The following DOT1L variants were observed in gnomAD, a reference collection of about 807,000 sequenced individuals.
The protein encoded by DOT1L is histone-lysine N-methyltransferase, H3 lysine-79 specific.
Under a neutral mutation model 153.3 loss-of-function variants are expected in DOT1L, and 33 were observed. The ratio of observed to expected loss-of-function variants is 0.22; its 90% CI spans 0.16 to 0.29. The LOEUF (loss-of-function observed/expected upper bound fraction) is 0.29. Ranked by LOEUF, DOT1L falls within the 10% of genes least tolerant of loss-of-function variation. The pLI, the probability that DOT1L is intolerant of heterozygous loss-of-function variation, is 1.00. For missense variants in DOT1L, 1,847 were observed against 2,119.9 expected (o/e 0.87, Z 2.53); for synonymous variants, 1,135 against 965.1 (o/e 1.18, Z -3.26).
In DOT1L at chr19:2,217,142, G is replaced by C. The variant is rs1275659021; in HGVS notation, c.2544+52G>C. The C allele has an allele frequency of 2.6e-6, 4 of 1,513,422 alleles. No individual in the cohort carries two copies. Among genetic ancestry groups the C allele is most frequent in the African/African-American group, 1.4e-5 (1 of 72,278 alleles). The allele number at this position is 1,513,422 out of a possible 1,614,324, so 93.7% of individuals were successfully genotyped here. ...CTCAGGGAGGTGCTCAGCAGAGGCG[G>C]CCTGAGCGAGTTGCTAGCAGGAGGG... On this transcript the variant is annotated intron_variant, in intron 21 of 27. Transcript: ENST00000398665. This position sits in a 1 kb window ranked among gnomAD's most constrained non-coding sequence, Gnocchi z 7.3.
chr19:2,204,529 C>G lies in DOT1L; in HGVS notation c.787+1750C>G, dbSNP rs540290590. Among the ~76,000 whole-genome samples, 9 of 152,306 alleles carry G rather than the reference C, an allele frequency of 5.9e-5. No individual in the cohort carries two copies. The highest frequency in any genetic ancestry group is 3.4e-3 in the Middle Eastern group (1 of 294). ...TGGCTTCAGGCAGCTCCTGTCACCCCCTCCATGGTCCTCGTACCCGCTGCC... is the reference window on the plus strand; with the variant it reads ...TGGCTTCAGGCAGCTCCTGTCACCCGCTCCATGGTCCTCGTACCCGCTGCC... On this transcript the variant is annotated intron_variant, in intron 9 of 27. Transcript: ENST00000398665. The surrounding 1 kb of genome is among the most constrained non-coding windows in gnomAD (Gnocchi z 5.7).
intron 25 of DOT1L, among the ~76,000 whole-genome samples, chr19:2,224,430 C>A (rs146037056): frequency 6.7e-6 from 1 of 150,274 alleles, no homozygotes; most frequent in South Asian, 2.1e-4. Context: ...TCCGAGTCGT[C>A]GTGAAGTGAT....
chr19:2,223,165 C>CA, intron 24 of DOT1L, 116 bp from the exon 25 acceptor site: 1 of 1,119,644 alleles, frequency 8.9e-7, no homozygotes, highest in East Asian at 2.4e-5. Context: ...GGCAGGGCAT[C>CA]AGTTTCCTCA....
In DOT1L at chr19:2,231,541, T is replaced by G. The variant is rs2024597790; in HGVS notation, c.*1749T>G. The G allele has an allele frequency of 4.9e-6, 1 of 202,334 alleles. No homozygotes were observed. Among genetic ancestry groups the G allele is most frequent in the African/African-American group, 2.3e-5 (1 of 43,424 alleles). 12.5% of individuals were successfully genotyped at this position (202,334 alleles called of 1,614,324 possible). A position where few individuals can be genotyped will look rare whatever the true frequency, so the allele number is the denominator to read the frequency against. Reference sequence around the variant, plus strand: ...CCCCCACCCTCCAACATAGCTGAGTTCTGAAGATGGTGCTCCGGACCTGTC... The same window carrying G: ...CCCCCACCCTCCAACATAGCTGAGTGCTGAAGATGGTGCTCCGGACCTGTC... On this transcript the variant is annotated 3_prime_UTR_variant, in exon 28 of 28. Coordinates refer to ENST00000398665, the MANE Select transcript of DOT1L (RefSeq NM_032482.3).
chr19:2,216,905 C>T (rs1568362482), intron 20 of DOT1L, 50 bp from the exon 21 acceptor site: 1 of 1,579,724 alleles, frequency 6.3e-7, no homozygotes, highest in Admixed American at 1.7e-5. Flanking sequence ...GCCGCTGCCT[C>T]TGAGTGCCAG....
intron 1 of DOT1L, among the ~76,000 whole-genome samples, chr19:2,175,288 A>G (rs923817571): frequency 6.6e-6 from 1 of 151,886 alleles, no homozygotes; most frequent in African/African-American, 2.4e-5. Flanking sequence ...GGCGTGAGCC[A>G]TGGCGCCTGG....
intron 1 of DOT1L, among the ~76,000 whole-genome samples, chr19:2,175,566 C>T (rs781337468): frequency 2.0e-5 from 3 of 152,214 alleles, no homozygotes; most frequent in Non-Finnish European, 4.4e-5. Flanking sequence ...CAGTGGCTCA[C>T]GCCTATAATC....
intron 7 of DOT1L, among the ~76,000 whole-genome samples, chr19:2,199,105 G>T (rs979838148): frequency 6.6e-6 from 1 of 152,184 alleles, no homozygotes; most frequent in Non-Finnish European, 1.5e-5. Context: ...TTTGAAAGGC[G>T]GTGTCTTGAT....
chr19:2,186,717 T>C (rs989706184), intron 3 of DOT1L, among the ~76,000 whole-genome samples: 3 of 152,346 alleles, frequency 2.0e-5, no homozygotes, highest in Admixed American at 1.3e-4. Context: ...GCCCTGCCCA[T>C]TCCCTGGTCA....
At chr19:2,196,799 T>C (rs2144766235) in intron 7 of DOT1L, among the ~76,000 whole-genome samples, 1 of 152,338 alleles carries the variant, frequency 6.6e-6, no homozygotes, top group Non-Finnish European at 1.5e-5. Context: ...TACCCTTCCC[T>C]GCCCTGGTCT....
At position 2,226,591 on chromosome 19, in the gene DOT1L, G is replaced by A. The variant is rs764266998; in HGVS notation, c.4070G>A (p.Arg1357His). ...LSSPLSFPSQRGKEGSDANPF... is the reference protein window; with the variant it reads ...LSSPLSFPSQHGKEGSDANPF... ...TCCCCGCTGAGCTTCCCCTCGCAGC[G>A]CGGCAAGGAGGGCTCGGACGCCAAC... The change falls in exon 27 of 28, where the codon CGC becomes CAC. Residue 1357 changes from arginine (R) to histidine (H), a missense_variant. This residue lies in a region of DOT1L where 934 missense variants were observed against 825.3 expected (regional missense o/e 1.13). Transcript: ENST00000398665. 57 of 1,599,000 alleles carry A rather than the reference G, an allele frequency of 3.6e-5. No individual in the cohort carries two copies. Among genetic ancestry groups the A allele is most frequent in the Non-Finnish European group, 4.5e-5 (53 of 1,177,192 alleles).
intron 12 of DOT1L, among the ~76,000 whole-genome samples, chr19:2,210,058 C>T (rs2023652998): frequency 6.6e-6 from 1 of 152,184 alleles, no homozygotes; most frequent in South Asian, 2.1e-4. Context: ...TGGGCTGTGG[C>T]TTCTAGGTCC....
In DOT1L at chr19:2,232,436, CGT is replaced by C. The variant is rs1568382524; in HGVS notation, c.*2647_*2648del. On this transcript the variant is annotated 3_prime_UTR_variant, in exon 28 of 28. Coordinates refer to ENST00000398665, the MANE Select transcript of DOT1L (RefSeq NM_032482.3). ...GCCTTTGTAACGTGGGAGGCTCTGCCGTGTCTTCCGGGTGAACTGTATTTGGA... is the reference window on the plus strand; with the variant it reads ...GCCTTTGTAACGTGGGAGGCTCTGCCGTCTTCCGGGTGAACTGTATTTGGA... 1 of 221,656 alleles carries C rather than the reference CGT, an allele frequency of 4.5e-6. No individual in the cohort carries two copies. The highest frequency in any genetic ancestry group is 9.0e-6 in the Non-Finnish European group (1 of 110,862). The allele number at this position is 221,656 out of a possible 1,614,324, so 13.7% of individuals were successfully genotyped here. A position where few individuals can be genotyped will look rare whatever the true frequency, so the allele number is the denominator to read the frequency against.
Position 2,230,929 on chromosome 19 carries a change from C to T in DOT1L, c.*1137C>T. ...CCCTTGGAGCCTGTGCTGGTTCTCCCAGCTGCTGTGGGTGTGCTGGGGCCA... is the reference window on the plus strand; with the variant it reads ...CCCTTGGAGCCTGTGCTGGTTCTCCTAGCTGCTGTGGGTGTGCTGGGGCCA... On this transcript the variant is annotated 3_prime_UTR_variant, in exon 28 of 28. Coordinates refer to ENST00000398665, the MANE Select transcript of DOT1L (RefSeq NM_032482.3). 1 of 276,702 alleles carries T rather than the reference C, an allele frequency of 3.6e-6. No individual in the cohort carries two copies. The allele number at this position is 276,702 out of a possible 1,614,324, so 17.1% of individuals were successfully genotyped here. A position where few individuals can be genotyped will look rare whatever the true frequency, so the allele number is the denominator to read the frequency against.
intron 27 of DOT1L, chr19:2,228,642 T>TG (rs2024471809): frequency 1.0e-6 from 1 of 985,336 alleles, no homozygotes; most frequent in East Asian, 1.1e-4. Flanking sequence ...AGGCCAGCCC[T>TG]GGGGGCAGCT....
At chr19:2,202,385 T>C (rs984920730) in intron 8 of DOT1L, among the ~76,000 whole-genome samples, 14 of 152,368 alleles carry the variant, frequency 9.2e-5, no homozygotes, top group Non-Finnish European at 2.1e-4. Flanking sequence ...CTGTGGGTAC[T>C]TCACGGCTGC....
chr19:2,212,919 C>T (rs2023764959), intron 16 of DOT1L: 1 of 152,298 alleles, frequency 6.6e-6, no homozygotes, highest in Non-Finnish European at 1.5e-5. Flanking sequence ...CCAGAGATAA[C>T]TCCAAAAGCC....
At chr19:2,170,640 C>T (rs1599528362) in intron 1 of DOT1L, among the ~76,000 whole-genome samples, 1 of 152,186 alleles carries the variant, frequency 6.6e-6, no homozygotes, top group East Asian at 1.9e-4. Context: ...AGTTAGAGGC[C>T]TCACGTTGTG....
At position 2,225,425 on chromosome 19, in the gene DOT1L, A is replaced by C; in HGVS notation, c.3634A>C (p.Lys1212Gln). Residue 1212 changes from lysine (K) to glutamine (Q), a missense_variant, in exon 26 of 28, where the codon AAA becomes CAA. This residue lies in a region of DOT1L where 934 missense variants were observed against 825.3 expected (regional missense o/e 1.13). Coordinates refer to ENST00000398665, the MANE Select transcript of DOT1L (RefSeq NM_032482.3). ...AATTGCAACAATCTCCTTAGAAAGC[A>C]AATCTCCCCCGAAAACCTTGGAAAA... The part of the protein sequence containing the change: ...RKIATISLES[K>Q]SPPKTLENGG... The C allele has an allele frequency of 6.2e-7, 1 of 1,614,220 alleles. No individual in the cohort carries two copies.
Sources: gnomAD v4.1 joint callset for allele counts (sites outside exome capture counted in the v4.1 genomes callset) on GRCh38, gnomAD v4.1.1 for gene constraint, gnomAD v4.1.1 regional missense constraint, Gnocchi (gnomAD v3.1) non-coding constraint, MANE v1.5 for transcripts, NCBI Gene and HGNC (gene_info 2026-07-23, HGNC 2026-07-21) for gene names.